Variants in DLG2 observed in about 807,000 individuals in gnomAD.
DLG2 encodes the protein discs large MAGUK scaffold protein 2.
In DLG2, 45 loss-of-function variants were observed where a neutral mutation model predicts 132.5. That is an observed-to-expected ratio of 0.34 (90% CI 0.27 to 0.44). The LOEUF (loss-of-function observed/expected upper bound fraction) is 0.44, where lower values mean the gene tolerates loss of function less well. DLG2 is among the 20% of genes least tolerant of loss of function. The pLI, the probability that DLG2 is intolerant of heterozygous loss-of-function variation, is 1.00. For missense variants in DLG2, 1,045 were observed against 1,196.9 expected (o/e 0.87, Z 1.87); for synonymous variants, 424 against 419.6 (o/e 1.01, Z -0.13).
intron 3 of DLG2, among the ~76,000 whole-genome samples, chr11:85,499,429 G>T (rs2093743674): frequency 6.6e-6 from 1 of 152,038 alleles, no homozygotes; most frequent in African/African-American, 2.4e-5. Flanking sequence ...CCAATAATAG[G>T]TTCTGAAATT....
At chr11:83,517,967 C>T (rs2095353098) in intron 21 of DLG2, among the ~76,000 whole-genome samples, 1 of 152,200 alleles carries the variant, frequency 6.6e-6, no homozygotes, top group Non-Finnish European at 1.5e-5. Context: ...ACTCGGGGGT[C>T]AGGGACCCAC....
intron 17 of DLG2, among the ~76,000 whole-genome samples, chr11:83,824,162 A>G (rs2051750360): frequency 6.6e-6 from 1 of 152,122 alleles, no homozygotes; most frequent in Non-Finnish European, 1.5e-5. Context: ...TATATTCAAT[A>G]AAGGTTAGGC....
At chr11:85,421,613 T>G (rs2090317779) in intron 3 of DLG2, among the ~76,000 whole-genome samples, 1 of 152,132 alleles carries the variant, frequency 6.6e-6, no homozygotes, top group South Asian at 2.1e-4. Context: ...TTCTTAACCT[T>G]TCTGCAATTC....
intron 3 of DLG2, among the ~76,000 whole-genome samples, chr11:85,519,528 A>G (rs2074107634): frequency 6.6e-6 from 1 of 152,210 alleles, no homozygotes; most frequent in African/African-American, 2.4e-5. Flanking sequence ...CTACAAAGTA[A>G]CTAGCTTGCT....
chr11:84,664,874 C>G (rs1174259865), intron 6 of DLG2, among the ~76,000 whole-genome samples: 3 of 152,062 alleles, frequency 2.0e-5, no homozygotes, highest in Non-Finnish European at 4.4e-5. Flanking sequence ...TTGTCCTTTC[C>G]CTTAGGAAAT....
At chr11:84,022,641 G>A (rs546620149) in intron 11 of DLG2, among the ~76,000 whole-genome samples, 1 of 152,246 alleles carries the variant, frequency 6.6e-6, no homozygotes, top group East Asian at 1.9e-4. Flanking sequence ...TTGAGCAAAA[G>A]CATATCTTTT....
intron 3 of DLG2, among the ~76,000 whole-genome samples, chr11:85,368,821 C>T (rs553772436): frequency 6.6e-6 from 1 of 152,210 alleles, no homozygotes; most frequent in Non-Finnish European, 1.5e-5. Context: ...ACCAGCCTGC[C>T]CACTGCGGTG....
In DLG2 at chr11:83,877,504, AT is replaced by A. The variant is rs560096450; in HGVS notation, c.1497-3017del. Among the ~76,000 whole-genome samples the A allele has an allele frequency of 5.6e-3, 860 of 152,270 alleles. 2 individuals carry two copies. The highest frequency in any genetic ancestry group is 7.1e-3 in the Non-Finnish European group (483 of 68,006). On this transcript the variant is annotated intron_variant, in intron 15 of 27. Coordinates refer to ENST00000376104, the MANE Select transcript of DLG2 (RefSeq NM_001142699.3). Reference sequence around the variant, plus strand: ...AAAATTCAGTAATCTCACTTCACTTATCATTACCTTATAACTAATTATTTTG... The same window carrying A: ...AAAATTCAGTAATCTCACTTCACTTACATTACCTTATAACTAATTATTTTG...
chr11:84,675,736 C>G (rs1353856350), intron 6 of DLG2, among the ~76,000 whole-genome samples: 1 of 152,070 alleles, frequency 6.6e-6, no homozygotes, highest in Non-Finnish European at 1.5e-5. Context: ...CTATGCAATC[C>G]TAGCCCATTG....
intron 6 of DLG2, among the ~76,000 whole-genome samples, chr11:84,826,662 C>T (rs958385610): frequency 6.6e-6 from 1 of 151,682 alleles, no homozygotes; most frequent in African/African-American, 2.4e-5. Context: ...AGAGACAGTG[C>T]TCTATTCATT....
chr11:84,594,650 T>A (rs949682319), intron 6 of DLG2, among the ~76,000 whole-genome samples: 1 of 152,134 alleles, frequency 6.6e-6, no homozygotes, highest in African/African-American at 2.4e-5. Context: ...AAACTTTAAA[T>A]GGCATGCAAA....
chr11:83,657,757 G>A (rs569485022), intron 18 of DLG2, among the ~76,000 whole-genome samples: 3 of 152,092 alleles, frequency 2.0e-5, no homozygotes, highest in Non-Finnish European at 4.4e-5. Context: ...AGCCAGGATG[G>A]TCTCAATCTC....
chr11:83,557,026 T>TAA (rs2096532920), intron 19 of DLG2, among the ~76,000 whole-genome samples: 1 of 151,074 alleles, frequency 6.6e-6, no homozygotes, highest in Admixed American at 6.6e-5. Context: ...ATGATTACAA[T>TAA]TGTCTGGGGA....
chr11:83,610,601 A>G (rs1324692983), intron 19 of DLG2, among the ~76,000 whole-genome samples: 2 of 152,188 alleles, frequency 1.3e-5, no homozygotes, highest in Non-Finnish European at 2.9e-5. Flanking sequence ...TATTAAGCAC[A>G]TTCAATCTGC....
At chr11:84,736,892 A>G (rs2063906755) in intron 6 of DLG2, among the ~76,000 whole-genome samples, 1 of 151,990 alleles carries the variant, frequency 6.6e-6, no homozygotes, top group South Asian at 2.1e-4. Flanking sequence ...CATCCAGAAC[A>G]ATGTTGCACA....
At chr11:84,461,108 A>T (rs191914262) in intron 7 of DLG2, among the ~76,000 whole-genome samples, 144 of 151,058 alleles carry the variant, frequency 9.5e-4, no homozygotes, top group Non-Finnish European at 9.1e-4. Context: ...TATGAAAAAA[A>T]TAAGAAAATT....
intron 6 of DLG2, among the ~76,000 whole-genome samples, chr11:84,829,180 G>A (rs764732170): frequency 2.6e-5 from 4 of 151,646 alleles, no homozygotes; most frequent in Non-Finnish European, 5.9e-5. Flanking sequence ...CCTTCTTCCT[G>A]TGTGAGGAAT....
intron 14 of DLG2, among the ~76,000 whole-genome samples, chr11:83,937,303 C>T (rs758615620): frequency 6.6e-5 from 10 of 151,756 alleles, no homozygotes; most frequent in South Asian, 2.1e-4. Flanking sequence ...GTCAGGAGAT[C>T]GAGACCATCC....
At position 83,954,989 on chromosome 11, in the gene DLG2, CGTAATATT is replaced by C. The variant is rs547341769; in HGVS notation, c.1340+7888_1340+7895del. 3.2e-3 allele frequency among the ~76,000 whole-genome samples: 490 copies of C among 152,218 alleles called. 5 individuals are homozygous for C. The highest frequency in any genetic ancestry group is 0.017 in the East Asian group (90 of 5,176). ...AGATTACAACATGTTTGAGCAGCTG[CGTAATATT>C]GTTGGCTACAGTTCCATAAATAATT... On this transcript the variant is annotated intron_variant, in intron 14 of 27. Transcript: ENST00000376104.
Sources: allele counts gnomAD v4.1 joint callset (sites outside exome capture counted in the v4.1 genomes callset), GRCh38; gene constraint gnomAD v4.1.1; transcripts MANE v1.5; gene names NCBI Gene and HGNC (gene_info 2026-07-23, HGNC 2026-07-21).